Variants in SUMF1 observed in about 807,000 individuals in gnomAD.
SUMF1 encodes formylglycine-generating enzyme.
Under a neutral mutation model 47.6 loss-of-function variants are expected in SUMF1, and 48 were observed. That is an observed-to-expected ratio of 1.01 (90% CI 0.80 to 1.28). The LOEUF is 1.28. Among genes scored for constraint, SUMF1 ranks in the 50% most tolerant of loss-of-function variants. The probability of loss-of-function intolerance (pLI) is 0.00; values close to 1 mark genes in which losing one functional copy is unlikely to be tolerated. For missense variants in SUMF1, 571 were observed against 485.4 expected (o/e 1.18, Z -1.66); for synonymous variants, 230 against 192.1 (o/e 1.20, Z -1.63).
At chr3:4,368,356 T>C (rs1333075877) in intron 8 of SUMF1, among the ~76,000 whole-genome samples, 1 of 152,212 alleles carries the variant, frequency 6.6e-6, no homozygotes, top group East Asian at 1.9e-4. Flanking sequence ...GGAGAGGATG[T>C]GGAGAAATAG....
chr3:4,407,639 G>A (rs983508683), intron 7 of SUMF1, among the ~76,000 whole-genome samples: 3 of 152,170 alleles, frequency 2.0e-5, no homozygotes, highest in Non-Finnish European at 4.4e-5. Context: ...GGGAAGAAAA[G>A]CAAATAAATT....
intron 3 of SUMF1, among the ~76,000 whole-genome samples, chr3:4,432,100 T>A (rs181683112): frequency 2.5e-4 from 38 of 152,120 alleles, no homozygotes; most frequent in African/African-American, 8.7e-4. Flanking sequence ...AAGTTCTTTT[T>A]CCATCATCTT....
chr3:4,294,247 TCTTCGGTCACA>T (rs927051986), intron 8 of SUMF1, among the ~76,000 whole-genome samples: 1 of 152,120 alleles, frequency 6.6e-6, no homozygotes, highest in Non-Finnish European at 1.5e-5. Flanking sequence ...GAAATTCAGC[TCTTCGGTCACA>T]CTAGCCATAT....
At chr3:4,140,072 C>T (rs961667730) in intron 8 of SUMF1, among the ~76,000 whole-genome samples, 2 of 152,056 alleles carry the variant, frequency 1.3e-5, no homozygotes, top group Admixed American at 6.6e-5. Context: ...TCTCGCCTAA[C>T]TCAAAACTCT....
At chr3:4,135,931 C>A (rs1302600708) in intron 8 of SUMF1, among the ~76,000 whole-genome samples, 1 of 152,032 alleles carries the variant, frequency 6.6e-6, no homozygotes, top group Non-Finnish European at 1.5e-5. Flanking sequence ...ATGTGAAGGA[C>A]CTTTTCAAGG....
At position 4,384,990 on chromosome 3, in the gene SUMF1, A is replaced by G. The variant is rs552441662; in HGVS notation, c.955-8601T>C. ...AACCTCCACCTCCCAGGTTCAAGCG[A>G]TTCTCCTGCCTCAGCCACCCGAGTA... On this transcript the variant is annotated intron_variant, in intron 7 of 8. Transcript: ENST00000272902. 3.3e-5 allele frequency among the ~76,000 whole-genome samples: 5 copies of G among 151,390 alleles called. 1 individual carries two copies. Among genetic ancestry groups the G allele is most frequent in the Non-Finnish European group, 1.5e-5 (1 of 67,876 alleles).
intron 8 of SUMF1, among the ~76,000 whole-genome samples, chr3:4,088,748 T>TCCTTACTGA (rs1692724342): frequency 6.6e-6 from 1 of 152,234 alleles, no homozygotes; most frequent in Non-Finnish European, 1.5e-5. Flanking sequence ...CATAGTTTCT[T>TCCTTACTGA]CCTTACTGAA....
intron 8 of SUMF1, among the ~76,000 whole-genome samples, chr3:4,178,456 T>C (rs978441265): frequency 1.3e-5 from 2 of 152,140 alleles, no homozygotes; most frequent in East Asian, 3.9e-4. Context: ...ATTATCTCAA[T>C]AGATGCAGAA....
chr3:4,060,335 TAGGATTCCTGGTTTGGAATCCC>T (rs1296415923), intron 9 of SUMF1, among the ~76,000 whole-genome samples: 1 of 152,192 alleles, frequency 6.6e-6, no homozygotes, highest in African/African-American at 2.4e-5. Flanking sequence ...ACTGCTGAAC[TAGGATTCCTGGTTTGGAATCCC>T]AGGAATGCCA....
At chr3:4,054,297 AT>A (rs1376374708) in intron 9 of SUMF1, among the ~76,000 whole-genome samples, 1 of 152,224 alleles carries the variant, frequency 6.6e-6, no homozygotes, top group East Asian at 1.9e-4. Flanking sequence ...AACAGCTTCA[AT>A]TTAAAGGATT....
intron 1 of SUMF1, among the ~76,000 whole-genome samples, chr3:4,461,914 C>T (rs2079824659): frequency 6.6e-6 from 1 of 152,188 alleles, no homozygotes; most frequent in African/African-American, 2.4e-5. Flanking sequence ...TCCATATCTC[C>T]TCCAATCTGA....
intron 8 of SUMF1, among the ~76,000 whole-genome samples, chr3:4,085,519 C>T (rs937806777): frequency 5.3e-5 from 8 of 152,184 alleles, no homozygotes; most frequent in Non-Finnish European, 1.0e-4. Flanking sequence ...TATTAGCCTG[C>T]AAGAGATACC....
At chr3:4,118,976 A>G (rs978552076) in intron 8 of SUMF1, among the ~76,000 whole-genome samples, 5 of 152,192 alleles carry the variant, frequency 3.3e-5, no homozygotes, top group South Asian at 2.1e-4. Flanking sequence ...CCAGCTGTCT[A>G]TATCTTTATT....
chr3:4,312,905 C>G, intron 8 of SUMF1: 3 of 1,610,746 alleles, frequency 1.9e-6, no homozygotes, highest in East Asian at 4.5e-5. Context: ...CAGTACACTC[C>G]TGATCATGTA....
intron 3 of SUMF1, among the ~76,000 whole-genome samples, chr3:4,431,808 C>T (rs1702241777): frequency 6.6e-6 from 1 of 152,080 alleles, no homozygotes; most frequent in Admixed American, 6.6e-5. Flanking sequence ...TGAGAAAAGT[C>T]CTAAGTCAGT....
At position 4,346,845 on chromosome 3, in the gene SUMF1, G is replaced by C. The variant is rs991213056; in HGVS notation, c.1014+29485C>G. Among the ~76,000 whole-genome samples the C allele has an allele frequency of 2.0e-5, 3 of 152,130 alleles. No homozygotes were observed. In the South Asian group the frequency reaches 6.2e-4, roughly 31 times the overall value. ...ATAGATGCAATAAAAAAATGATAAA[G>C]GGGATATCACCACTGATCCCTCAGA... On this transcript the variant is annotated intron_variant and NMD_transcript_variant, in intron 8 of 12. Coordinates refer to the SUMF1 transcript ENST00000448413.
intron 8 of SUMF1, among the ~76,000 whole-genome samples, chr3:4,239,949 C>A (rs1696500316): frequency 6.6e-6 from 1 of 152,012 alleles, no homozygotes; most frequent in Admixed American, 6.6e-5. Flanking sequence ...TCCATCCATA[C>A]CTAGTTTATT....
intron 8 of SUMF1, among the ~76,000 whole-genome samples, chr3:4,197,315 G>A (rs907316094): frequency 2.0e-5 from 3 of 152,026 alleles, no homozygotes; most frequent in Non-Finnish European, 4.4e-5. Flanking sequence ...ATGTTTCACC[G>A]TGTTGCCCAG....
At chr3:4,039,235 A>C (rs757565320) in intron 9 of SUMF1, among the ~76,000 whole-genome samples, 2 of 11,590 alleles carry the variant, frequency 1.7e-4, no homozygotes, top group Admixed American at 9.2e-4. Context: ...TTTTTTTTTT[A>C]TTATACTCTA....
Sources: allele counts gnomAD v4.1 joint callset (sites outside exome capture counted in the v4.1 genomes callset), GRCh38; gene constraint gnomAD v4.1.1; transcripts MANE v1.5; gene names NCBI Gene and HGNC (gene_info 2026-07-23, HGNC 2026-07-21).